TPPP: variants seen among roughly 807,000 people sequenced by gnomAD.
TPPP encodes the protein tubulin polymerization-promoting protein.
A neutral mutation model predicts 15.5 loss-of-function variants in TPPP; 6 were observed. The ratio of observed to expected loss-of-function variants is 0.39; its 90% confidence interval spans 0.21 to 0.77. The LOEUF is 0.77. Among genes scored for constraint, TPPP ranks in the 30% least tolerant of loss-of-function variants. The pLI is 0.42. For synonymous variants in TPPP, 146 were observed against 133.9 expected (o/e 1.09, Z -0.63); for missense variants, 269 against 307.2 (o/e 0.88, Z 0.93).
chr5:676,898 C>T (rs923175759), intron 2 of TPPP, among the ~76,000 whole-genome samples: 6 of 100,610 alleles, frequency 6.0e-5, no homozygotes, highest in African/African-American at 2.9e-4. Flanking sequence ...CGCAGAAACG[C>T]GCACGCGCGC....
chr5:695,540 T>G (rs1158426392), upstream of TPPP, among the ~76,000 whole-genome samples: 3 of 149,076 alleles, frequency 2.0e-5, no homozygotes, highest in Non-Finnish European at 4.5e-5. Flanking sequence ...AGGGCTTTCC[T>G]CTTACGGCTT....
intron 3 of TPPP, 35 bp from the exon 4 acceptor site, chr5:665,331 T>C (rs759782970): frequency 6.3e-7 from 1 of 1,586,188 alleles, no homozygotes; most frequent in Non-Finnish European, 8.6e-7. Flanking sequence ...GGCAGGTGAG[T>C]TGCGAGCCAG....
At chr5:671,680 C>G (rs1740229247) in intron 2 of TPPP, among the ~76,000 whole-genome samples, 1 of 152,210 alleles carries the variant, frequency 6.6e-6, no homozygotes, top group African/African-American at 2.4e-5. Context: ...AACCCTCAGC[C>G]ACAGACGTCC....
At position 665,988 on chromosome 5, in the gene TPPP, G is replaced by A; in HGVS notation, c.447C>T (p.Pro149=). 1 of 1,500,392 alleles carries A rather than the reference G, an allele frequency of 6.7e-7. No individual in the cohort carries two copies. The highest frequency in any genetic ancestry group is 9.0e-7 in the Non-Finnish European group (1 of 1,114,718). The allele number at this position is 1,500,392 out of a possible 1,614,324, so 92.9% of individuals were successfully genotyped here. The change falls in exon 3 of 4, where the codon CCC becomes CCT. Residue 149 remains proline, a synonymous_variant. Transcript: ENST00000360578. Reference sequence around the variant, plus strand: ...TGCTCACCGTCACCCCTGAGATGATGGGCGCCTTGCCCTCGATGAGCCTGT... The same window carrying A: ...TGCTCACCGTCACCCCTGAGATGATAGGCGCCTTGCCCTCGATGAGCCTGT... ...EVHRLIEGKA[P]IISGVTKAIS... is the part of the protein sequence containing the mutation.
At chr5:698,643 C>T in the TPPP span, among the ~76,000 whole-genome samples, 1 of 151,902 alleles carries the variant, frequency 6.6e-6, no homozygotes, top group Admixed American at 6.6e-5. Context: ...TATTCACTCC[C>T]ATGAGAACAG....
intron 2 of TPPP, 34 bp from the exon 3 acceptor site, chr5:666,157 G>A (rs201160165): frequency 5.1e-5 from 78 of 1,540,920 alleles, no homozygotes; most frequent in Non-Finnish European, 6.3e-5. Context: ...GGCTGGGCGC[G>A]GGCCGGCCCA....
chr5:669,135 C>G (rs1348178269), intron 2 of TPPP, among the ~76,000 whole-genome samples: 1 of 152,230 alleles, frequency 6.6e-6, no homozygotes, highest in Non-Finnish European at 1.5e-5. Flanking sequence ...GAGCGGAGGC[C>G]TCGCTGTGTC....
At chr5:684,543 C>A (rs1228509965) in intron 1 of TPPP, among the ~76,000 whole-genome samples, 2 of 151,804 alleles carry the variant, frequency 1.3e-5, no homozygotes, top group African/African-American at 2.4e-5. Context: ...GTGGACAGAG[C>A]CCCTGTGGAG....
At chr5:679,094 C>T (rs1231034140) in intron 1 of TPPP, among the ~76,000 whole-genome samples, 2 of 152,178 alleles carry the variant, frequency 1.3e-5, no homozygotes, top group African/African-American at 4.8e-5. Context: ...GTGCCGAGGA[C>T]ACAGGTAGGT....
chr5:664,938 T>G lies in TPPP; in HGVS notation c.*164A>C. 2.7e-6 allele frequency: 2 copies of G among 737,938 alleles called. No homozygotes were observed. Among genetic ancestry groups the G allele is most frequent in the Non-Finnish European group, 4.3e-6 (2 of 460,810 alleles). The allele number at this position is 737,938 out of a possible 1,614,324, so 45.7% of individuals were successfully genotyped here. A position where few individuals can be genotyped will look rare whatever the true frequency, so the allele number is the denominator to read the frequency against. Reference sequence around the variant, plus strand: ...AGAGGGGAGTGCTGGGGGCATCCGGTAGGAGGAGGGGCAGGAGGGAGGCCT... The same window carrying G: ...AGAGGGGAGTGCTGGGGGCATCCGGGAGGAGGAGGGGCAGGAGGGAGGCCT... On this transcript the variant is annotated 3_prime_UTR_variant, in exon 4 of 4. Transcript: ENST00000360578.
chr5:697,134 T>A (rs1201236581), upstream of TPPP, among the ~76,000 whole-genome samples: 1 of 151,686 alleles, frequency 6.6e-6, no homozygotes, highest in East Asian at 1.9e-4. Context: ...GTGGAATTGC[T>A]GTGGAACATG....
In TPPP at chr5:677,881, C is replaced by T. The variant is rs760385396; in HGVS notation, c.180G>A (p.Val60=). The T allele has an allele frequency of 1.2e-6, 2 of 1,612,772 alleles. No homozygotes were observed. The highest frequency in any genetic ancestry group is 1.6e-4 in the Middle Eastern group (1 of 6,062). Residue 60 remains valine, a synonymous_variant, in exon 2 of 4, where the codon GTG becomes GTA. Transcript: ENST00000360578. ...ALEEAFRRFA[V]HGDARATGRE... Reference sequence around the variant, plus strand: ...TCCCGGTGGCCCTGGCGTCCCCGTGCACGGCAAAGCGCCGGAAGGCCTCCT... The same window carrying T: ...TCCCGGTGGCCCTGGCGTCCCCGTGTACGGCAAAGCGCCGGAAGGCCTCCT...
At position 660,040 on chromosome 5, in the gene TPPP, G is replaced by A. The variant is rs1450075722; in HGVS notation, c.*5062C>T. 1 of 152,272 alleles carries A rather than the reference G, an allele frequency of 6.6e-6. No homozygotes were observed. Among genetic ancestry groups the A allele is most frequent in the Middle Eastern group, 3.2e-3 (1 of 316 alleles). The allele number at this position is 152,272 out of a possible 1,614,324, so 9.4% of individuals were successfully genotyped here. A position where few individuals can be genotyped will look rare whatever the true frequency, so the allele number is the denominator to read the frequency against. ...CTCTCACCTGCAGGAGGAACAGCAG[G>A]GCCACCCCACCCCGCGGACGTCCGC... On this transcript the variant is annotated 3_prime_UTR_variant, in exon 4 of 4. Transcript: ENST00000360578.
At chr5:670,898 C>CCTGAGAGGGCTTCTCCCCTCAT (rs1740197716) in intron 2 of TPPP, among the ~76,000 whole-genome samples, 1 of 152,202 alleles carries the variant, frequency 6.6e-6, no homozygotes, top group Non-Finnish European at 1.5e-5. Context: ...TGTCTGGCCA[C>CCTGAGAGGGCTTCTCCCCTCAT]CTGAGAGGGC....
At chr5:678,860 A>G (rs2126904529) in intron 1 of TPPP, among the ~76,000 whole-genome samples, 1 of 152,288 alleles carries the variant, frequency 6.6e-6, no homozygotes, top group Non-Finnish European at 1.5e-5. Context: ...GGGCTTGGGG[A>G]CGCAGGGCTA....
chr5:671,133 T>TC (rs1179196101), intron 2 of TPPP, among the ~76,000 whole-genome samples: 1 of 151,096 alleles, frequency 6.6e-6, no homozygotes, highest in Non-Finnish European at 1.5e-5. Flanking sequence ...TACCGAAGGC[T>TC]CCCCCCTGCC....
chr5:665,930 AC>A lies in TPPP; in HGVS notation c.465+39del, dbSNP rs150083395. 291 of 143,674 alleles carry A rather than the reference AC, an allele frequency of 2.0e-3. 3 individuals carry two copies. In the African/African-American group the frequency reaches 0.025, roughly 12 times the overall value. The allele number at this position is 143,674 out of a possible 1,614,324, so 8.9% of individuals were successfully genotyped here. A position where few individuals can be genotyped will look rare whatever the true frequency, so the allele number is the denominator to read the frequency against. ...CACCCACCTTCCAGGCCCCGCCCCC[AC>A]CCCCTCCAGGCCCCGCCTTCCATCC... is the stretch of plus-strand genomic sequence containing the variant. On this transcript the variant is annotated intron_variant, in intron 3 of 3. Coordinates refer to ENST00000360578, the MANE Select transcript of TPPP (RefSeq NM_007030.3).
At chr5:670,780 C>T (rs1047335298) in intron 2 of TPPP, among the ~76,000 whole-genome samples, 5 of 152,190 alleles carry the variant, frequency 3.3e-5, no homozygotes, top group Non-Finnish European at 7.4e-5. Flanking sequence ...CCTAGAGCAA[C>T]GTTTCCCGGG....
intron 2 of TPPP, chr5:667,073 TA>T (rs11291060): frequency 0.092 from 13,929 of 152,202 alleles, 2,263 homozygotes; most frequent in African/African-American, 0.32. Flanking sequence ...AAATGACCCA[TA>T]AAACCCCAGC....
Sources: gnomAD v4.1 joint callset for allele counts (sites outside exome capture counted in the v4.1 genomes callset) on GRCh38, gnomAD v4.1.1 for gene constraint, MANE v1.5 for transcripts, NCBI Gene and HGNC (gene_info 2026-07-23, HGNC 2026-07-21) for gene names.